DMD: variants seen among roughly 807,000 people sequenced by gnomAD.
The protein encoded by DMD is dystrophin, also known as mutant dystrophin.
A neutral mutation model predicts 330.1 loss-of-function variants in DMD; 63 were observed. The ratio of observed to expected loss-of-function variants is 0.19; its 90% CI spans 0.16 to 0.24. The LOEUF (loss-of-function observed/expected upper bound fraction) is 0.24, where lower values mean the gene tolerates loss of function less well. DMD is among the 10% of genes least tolerant of loss of function. DMD has a pLI of 1.00. For missense variants in DMD, 3,344 were observed against 2,684.1 expected (o/e 1.25, Z -5.43); for synonymous variants, 1,223 against 959.8 (o/e 1.27, Z -5.07).
At chrX:31,619,131 T>C (rs1297341065) in intron 55 of DMD, among the ~76,000 whole-genome samples, 1 of 111,579 alleles carries the variant, frequency 9.0e-6, no homozygotes, top group Non-Finnish European at 1.9e-5. Context: ...GAAAAATACA[T>C]GATGACTTTA....
At chrX:31,948,505 G>A (rs2095118441) in intron 45 of DMD, among the ~76,000 whole-genome samples, 1 of 110,575 alleles carries the variant, frequency 9.0e-6, no homozygotes, top group Non-Finnish European at 1.9e-5. Context: ...CTAGCGTTCC[G>A]ATTTCCTCAC....
chrX:32,447,636 C>T (rs2098311089), intron 27 of DMD, among the ~76,000 whole-genome samples: 1 of 111,441 alleles, frequency 9.0e-6, no homozygotes, highest in Non-Finnish European at 1.9e-5. Flanking sequence ...AAAGAGGTAC[C>T]TGAACACTTT....
chrX:31,208,539 C>G (rs1440150890), intron 65 of DMD, among the ~76,000 whole-genome samples: 1 of 111,709 alleles, frequency 9.0e-6, no homozygotes, highest in Non-Finnish European at 1.9e-5. Context: ...TGTTCAAGGA[C>G]TTGGTAGATG....
chrX:31,888,296 A>G (rs1656568157), intron 47 of DMD, among the ~76,000 whole-genome samples: 1 of 111,712 alleles, frequency 9.0e-6, no homozygotes, highest in African/African-American at 3.3e-5. Context: ...TTTACCTAGT[A>G]GCTATTTTGT....
intron 2 of DMD, among the ~76,000 whole-genome samples, chrX:32,923,940 T>G (rs1212216910): frequency 1.8e-5 from 2 of 111,983 alleles, no homozygotes; most frequent in Non-Finnish European, 3.8e-5. Flanking sequence ...AGAATTATGT[T>G]TAAATTTATA....
intron 21 of DMD, among the ~76,000 whole-genome samples, chrX:32,474,778 T>C (rs2041051929): frequency 9.0e-6 from 1 of 111,648 alleles, no homozygotes; most frequent in Non-Finnish European, 1.9e-5. Context: ...GTATAGATTG[T>C]GAAGATTTTA....
At chrX:32,879,649 G>C (rs1427714472) in intron 2 of DMD, among the ~76,000 whole-genome samples, 1 of 110,489 alleles carries the variant, frequency 9.1e-6, no homozygotes, top group Admixed American at 9.7e-5. Flanking sequence ...GAAGTTCAGC[G>C]TTTTTGTTTT....
At chrX:32,636,923 G>A (rs776209513) in intron 11 of DMD, among the ~76,000 whole-genome samples, 134 of 110,018 alleles carry the variant, frequency 1.2e-3, no homozygotes, top group African/African-American at 4.1e-3. Flanking sequence ...GCGTGAACCC[G>A]GGGGGCGGAG....
chrX:31,420,862 G>T (rs1409931029), intron 60 of DMD, among the ~76,000 whole-genome samples: 1 of 112,185 alleles, frequency 8.9e-6, no homozygotes, highest in African/African-American at 3.2e-5. Flanking sequence ...ATATCCAAAT[G>T]AGGCATACTC....
intron 1 of DMD, among the ~76,000 whole-genome samples, chrX:33,334,790 A>G (rs2148967085): frequency 9.0e-6 from 1 of 111,208 alleles, no homozygotes. Flanking sequence ...AAAAAAAAGA[A>G]CATGTTTTTA....
chrX:32,111,351 T>A (rs955103863), intron 44 of DMD, among the ~76,000 whole-genome samples: 1 of 112,229 alleles, frequency 8.9e-6, no homozygotes, highest in Admixed American at 9.5e-5. Flanking sequence ...TTATAAGCGC[T>A]ATCCCTTCTT....
In DMD at chrX:31,507,431, G is replaced by C. The variant is rs745873218; in HGVS notation, c.8240C>G (p.Ala2747Gly). Residue 2747 changes from alanine to glycine, a missense_variant, in exon 56 of 79, where the codon GCT becomes GGT. Coordinates refer to ENST00000357033, the MANE Select transcript of DMD (RefSeq NM_004006.3). ...QWQDLQGEIEAHTDVYHNLDE... is the reference protein window; with the variant it reads ...QWQDLQGEIEGHTDVYHNLDE... ...CAGGTTGTGATAAACATCTGTGTGAGCTTCAATTTCACCTTGGAGGTCCTA... is the reference window on the plus strand; with the variant it reads ...CAGGTTGTGATAAACATCTGTGTGACCTTCAATTTCACCTTGGAGGTCCTA... 1.2e-5 allele frequency: 15 copies of C among 1,207,770 alleles called. No homozygotes were observed. Among genetic ancestry groups the C allele is most frequent in the Admixed American group, 4.4e-5 (2 of 45,711 alleles).
At chrX:33,201,463 T>C (rs2051263607) in intron 1 of DMD, among the ~76,000 whole-genome samples, 1 of 111,257 alleles carries the variant, frequency 9.0e-6, no homozygotes, top group Admixed American at 9.6e-5. Flanking sequence ...TATATGAGAA[T>C]GCCAATGTTG....
At chrX:32,686,200 G>C (rs1224750006) in intron 9 of DMD, among the ~76,000 whole-genome samples, 1 of 111,435 alleles carries the variant, frequency 9.0e-6, no homozygotes, top group Non-Finnish European at 1.9e-5. Flanking sequence ...GATATGTGCT[G>C]CCAGAATTCT....
chrX:32,048,365 G>C (rs1393187993), intron 44 of DMD, among the ~76,000 whole-genome samples: 2 of 98,952 alleles, frequency 2.0e-5, no homozygotes, highest in Non-Finnish European at 4.1e-5. Context: ...TTTTTCTCTT[G>C]ACACATATCA....
chrX:32,380,655 T>A lies in DMD; in HGVS notation c.4700A>T (p.Glu1567Val). 1 of 1,208,342 alleles carries A rather than the reference T, an allele frequency of 8.3e-7. No individual in the cohort carries two copies. Among genetic ancestry groups the A allele is most frequent in the South Asian group, 1.8e-5 (1 of 56,885 alleles). ...AKVTERKQQLEKCLKLSRKMR... is the reference protein window; with the variant it reads ...AKVTERKQQLVKCLKLSRKMR... ...CTTACGGGACAATTTCAAGCATTTC[T>A]CCAACTGTTGCTTTCTTTCTGTTAC... Residue 1567 changes from glutamate to valine, a missense_variant, in exon 34 of 79, where the codon GAG becomes GTG. Physicochemically the swap from Glu to Val is moderately radical, Grantham distance 121 (BLOSUM62 -2). Transcript: ENST00000357033.
chrX:32,627,320 TTTAC>T (rs781558945), intron 11 of DMD, among the ~76,000 whole-genome samples: 1 of 103,479 alleles, frequency 9.7e-6, no homozygotes, highest in South Asian at 4.0e-4. Context: ...CAAACATGCG[TTTAC>T]TTATTTATAA....
chrX:32,744,298 GT>G (rs1262494217), intron 7 of DMD, among the ~76,000 whole-genome samples: 2 of 108,813 alleles, frequency 1.8e-5, no homozygotes, highest in Non-Finnish European at 1.9e-5. Context: ...CTTACTTAAT[GT>G]TTTCAGTGGA....
At chrX:32,048,759 G>T (rs1309979212) in intron 44 of DMD, among the ~76,000 whole-genome samples, 2 of 111,071 alleles carry the variant, frequency 1.8e-5, no homozygotes, top group Non-Finnish European at 3.8e-5. Flanking sequence ...ACCTGGCACA[G>T]GCTGATTGAC....
Sources: allele counts gnomAD v4.1 joint callset (sites outside exome capture counted in the v4.1 genomes callset), GRCh38; gene constraint gnomAD v4.1.1; transcripts MANE v1.5; gene names NCBI Gene and HGNC (gene_info 2026-07-23, HGNC 2026-07-21).